MED12L: variants seen among roughly 807,000 people sequenced by gnomAD.
MED12L encodes mediator complex subunit 12L, also known as mediator of RNA polymerase II transcription subunit 12-like protein.
Under a neutral mutation model 281.3 loss-of-function variants are expected in MED12L, and 60 were observed. The ratio of observed to expected loss-of-function variants is 0.21; its 90% CI spans 0.17 to 0.26. The LOEUF is 0.26. Among genes scored for constraint, MED12L ranks in the 10% least tolerant of loss-of-function variants. MED12L has a pLI of 1.00. For synonymous variants in MED12L, 974 were observed against 987.2 expected (o/e 0.99, Z 0.25); for missense variants, 2,146 against 2,680.9 (o/e 0.80, Z 4.41).
At position 151,156,234 on chromosome 3, in the gene MED12L, C is replaced by T; in HGVS notation, c.630C>T (p.Ser210=). ...TTTCTGACTTTTACCACATGGCCTC[C>T]AGCACGGGCGATGGCCCTGTCCCTG... ...AKISDFYHMA[S]STGDGPVPVP... Residue 210 remains serine (S), a synonymous_variant, in exon 6 of 45, where the codon TCC becomes TCT. Transcript: ENST00000687756. 6.2e-7 allele frequency: 1 copy of T among 1,613,584 alleles called. No homozygotes were observed. Among genetic ancestry groups the T allele is most frequent in the Non-Finnish European group, 8.5e-7 (1 of 1,179,786 alleles).
intron 30 of MED12L, 112 bp downstream of exon 30, chr3:151,377,290 T>C: frequency 1.3e-6 from 1 of 794,076 alleles, no homozygotes; most frequent in South Asian, 1.8e-5. Flanking sequence ...AGAACATAGT[T>C]ACTTGTAAGC....
intron 16 of MED12L, among the ~76,000 whole-genome samples, chr3:151,207,129 C>T (rs1420051951): frequency 1.3e-5 from 2 of 150,866 alleles, no homozygotes; most frequent in Non-Finnish European, 2.9e-5. Flanking sequence ...CTAATCATAG[C>T]TTGCTGCAGT....
At chr3:151,382,772 TC>T (rs2108143117) in intron 33 of MED12L, 27 bp downstream of exon 33, 3 of 1,559,094 alleles carry the variant, frequency 1.9e-6, no homozygotes, top group Non-Finnish European at 2.6e-6. Context: ...GTATTTTCCC[TC>T]CATTAAACAT....
chr3:151,320,374 A>G (rs926362031), intron 16 of MED12L, among the ~76,000 whole-genome samples: 4 of 152,306 alleles, frequency 2.6e-5, no homozygotes, highest in Admixed American at 1.3e-4. Context: ...GGTCTTTTCC[A>G]TGTGGCTGGA....
intron 5 of MED12L, among the ~76,000 whole-genome samples, chr3:151,149,066 G>T (rs1308674862): frequency 6.6e-6 from 1 of 152,094 alleles, no homozygotes; most frequent in African/African-American, 2.4e-5. Flanking sequence ...GAGAATCATT[G>T]GGAGGGAACT....
intron 2 of MED12L, among the ~76,000 whole-genome samples, chr3:151,105,203 T>C (rs1721854823): frequency 6.6e-6 from 1 of 152,186 alleles, no homozygotes; most frequent in African/African-American, 2.4e-5. Flanking sequence ...CTTGAACTTA[T>C]CTGCCATCTC....
intron 16 of MED12L, among the ~76,000 whole-genome samples, chr3:151,299,686 C>T (rs1745643292): frequency 1.3e-5 from 2 of 151,846 alleles, no homozygotes; most frequent in African/African-American, 4.8e-5. Context: ...AATAGTTACC[C>T]AGTAGATTAG....
intron 16 of MED12L, among the ~76,000 whole-genome samples, chr3:151,314,858 G>A (rs1748029903): frequency 6.6e-6 from 1 of 152,196 alleles, no homozygotes; most frequent in South Asian, 2.1e-4. Flanking sequence ...AGGGAAGTGA[G>A]CTCCTGGGGA....
intron 16 of MED12L, among the ~76,000 whole-genome samples, chr3:151,274,596 C>T (rs1325982238): frequency 6.6e-6 from 1 of 152,188 alleles, no homozygotes; most frequent in East Asian, 1.9e-4. Context: ...TCTGTACATG[C>T]AGGGCTATCA....
intron 16 of MED12L, among the ~76,000 whole-genome samples, chr3:151,248,694 C>G (rs889069612): frequency 1.3e-5 from 2 of 152,086 alleles, no homozygotes; most frequent in Non-Finnish European, 2.9e-5. Flanking sequence ...GAAAATTTAA[C>G]TAGACTTGGT....
chr3:151,196,903 C>G (rs1019707853), intron 16 of MED12L, among the ~76,000 whole-genome samples: 5 of 152,196 alleles, frequency 3.3e-5, no homozygotes, highest in African/African-American at 1.2e-4. Context: ...GTTTTCCTAG[C>G]TTTCAGGAAC....
chr3:151,246,357 C>G (rs1348742273), intron 16 of MED12L, among the ~76,000 whole-genome samples: 1 of 152,028 alleles, frequency 6.6e-6, no homozygotes, highest in Non-Finnish European at 1.5e-5. Flanking sequence ...ATCACGCTAC[C>G]TGACTTCAAA....
At chr3:151,318,770 T>C (rs566256946) in intron 16 of MED12L, among the ~76,000 whole-genome samples, 3 of 152,206 alleles carry the variant, frequency 2.0e-5, no homozygotes, top group Non-Finnish European at 4.4e-5. Context: ...AGGGTTATCA[T>C]AGGCCCTTCT....
intron 16 of MED12L, chr3:151,327,901 G>T: frequency 1.1e-6 from 1 of 931,682 alleles, no homozygotes; most frequent in Non-Finnish European, 1.6e-6. Flanking sequence ...GAGAGCATTT[G>T]TTCCAATCTT....
At chr3:151,325,592 A>G (rs759463655) in intron 16 of MED12L, among the ~76,000 whole-genome samples, 2 of 152,306 alleles carry the variant, frequency 1.3e-5, no homozygotes, top group Admixed American at 6.5e-5. Flanking sequence ...TCTCTCTACT[A>G]TGCCTCTTCA....
At chr3:151,247,543 A>C (rs28537149) in intron 16 of MED12L, among the ~76,000 whole-genome samples, 1 of 145,248 alleles carries the variant, frequency 6.9e-6, no homozygotes, top group African/African-American at 2.6e-5. Flanking sequence ...ATTCTCACTC[A>C]TAGGTGGGAA....
chr3:151,349,039 A>G (rs1485048212), intron 16 of MED12L, among the ~76,000 whole-genome samples: 3 of 152,240 alleles, frequency 2.0e-5, no homozygotes, highest in African/African-American at 7.2e-5. Context: ...AAATATACAT[A>G]GAGTAAGAAA....
At chr3:151,368,328 C>G (rs1275872523) in intron 25 of MED12L, 77 bp downstream of exon 25, 2 of 1,279,450 alleles carry the variant, frequency 1.6e-6, no homozygotes, top group East Asian at 2.4e-5. Flanking sequence ...TAGGCTGTCC[C>G]TTTCTGTAAT....
chr3:151,312,954 A>G (rs1399948491), intron 16 of MED12L, among the ~76,000 whole-genome samples: 2 of 152,220 alleles, frequency 1.3e-5, no homozygotes, highest in Non-Finnish European at 2.9e-5. Context: ...TTGAGTGGGT[A>G]GTAAGAATTA....
Sources: allele counts gnomAD v4.1 joint callset (sites outside exome capture counted in the v4.1 genomes callset), GRCh38; gene constraint gnomAD v4.1.1; transcripts MANE v1.5; gene names NCBI Gene and HGNC (gene_info 2026-07-23, HGNC 2026-07-21).